RBBP9: variants seen among roughly 807,000 people sequenced by gnomAD.
RBBP9 encodes the protein RB binding protein 9, serine hydrolase.
Under a neutral mutation model 24.2 loss-of-function variants are expected in RBBP9, and 20 were observed. The ratio of observed to expected loss-of-function variants is 0.83; its 90% CI spans 0.58 to 1.20. The LOEUF (loss-of-function observed/expected upper bound fraction) is 1.20, where lower values mean the gene tolerates loss of function less well. RBBP9 is among the 50% of genes most tolerant of loss of function. RBBP9 has a pLI of 0.00. For synonymous variants in RBBP9, 74 were observed against 84.6 expected (o/e 0.87, Z 0.69); for missense variants, 234 against 233.6 (o/e 1.00, Z -0.01).
At chr20:18,495,810 G>T in intron 2 of RBBP9, 28 bp downstream of exon 2, 1 of 1,532,232 alleles carries the variant, frequency 6.5e-7, no homozygotes, top group Non-Finnish European at 9.0e-7. Context: ...ACAAGATGAG[G>T]CTATTTAAAA....
intron 2 of RBBP9, 120 bp downstream of exon 2, chr20:18,495,718 T>C: frequency 1.2e-6 from 1 of 862,340 alleles, no homozygotes; most frequent in Non-Finnish European, 1.8e-6. Flanking sequence ...TGCCTTATTC[T>C]TTCTTAGGTA....
chr20:18,490,404 G>A lies in RBBP9; in HGVS notation c.325C>T (p.Arg109Cys), dbSNP rs779680536. Residue 109 changes from arginine to cysteine, a missense_variant, in exon 4 of 5, where the codon CGT (arginine) becomes TGT (cysteine). By Grantham distance (180) the Arg-to-Cys change is radical (BLOSUM62 -3). Coordinates refer to ENST00000337227, the MANE Select transcript of RBBP9 (RefSeq NM_006606.3). ...CTACCTTTGGACTTACCACTTGCAC[G>A]CTCATTTTCATCCCCCAAGTCTGAT... ...YTSDLGDENE[R>C]ASGYFTRPWQ... 19 of 1,612,474 alleles carry A rather than the reference G, an allele frequency of 1.2e-5. No individual in the cohort carries two copies. Among genetic ancestry groups the A allele is most frequent in the South Asian group, 5.5e-5 (5 of 91,042 alleles).
chr20:18,497,196 G>C lies in RBBP9; in HGVS notation c.-29C>G, dbSNP rs989563875. ...TGCAGCGAGGCCAGAGTTCCCCAGCGCGGGTCCAGCGGAGCTGAGCCCAGC... is the reference window on the plus strand; with the variant it reads ...TGCAGCGAGGCCAGAGTTCCCCAGCCCGGGTCCAGCGGAGCTGAGCCCAGC... On this transcript the variant is annotated 5_prime_UTR_variant, in exon 1 of 5. Transcript: ENST00000337227. 7 of 1,569,984 alleles carry C rather than the reference G, an allele frequency of 4.5e-6. No homozygotes were observed. The highest frequency in any genetic ancestry group is 1.4e-5 in the African/African-American group (1 of 73,986).
intron 3 of RBBP9, among the ~76,000 whole-genome samples, chr20:18,492,880 A>C (rs1378298113): frequency 6.6e-6 from 1 of 152,230 alleles, no homozygotes; most frequent in Admixed American, 6.5e-5. Context: ...AACAGAATTC[A>C]ATAATACAAG....
rs909978006 is a variant in RBBP9 at position 18,488,057 on chromosome 20, T to A, written c.*1707A>T. 4.6e-5 allele frequency: 7 copies of A among 152,228 alleles called. No homozygotes were observed. The highest frequency in any genetic ancestry group is 1.0e-4 in the Non-Finnish European group (7 of 68,038). 9.4% of individuals were successfully genotyped at this position (152,228 alleles called of 1,614,324 possible). A position where few individuals can be genotyped will look rare whatever the true frequency, so the allele number is the denominator to read the frequency against. On this transcript the variant is annotated 3_prime_UTR_variant, in exon 5 of 5. Transcript: ENST00000337227. ...GGTACCTTTCCTGATTTTTTTTGTCTAAGCACATTTAAAAACCAAGACTTT... is the reference window on the plus strand; with the variant it reads ...GGTACCTTTCCTGATTTTTTTTGTCAAAGCACATTTAAAAACCAAGACTTT...
At chr20:18,491,583 G>A (rs2059865672) in intron 3 of RBBP9, among the ~76,000 whole-genome samples, 2 of 152,212 alleles carry the variant, frequency 1.3e-5, no homozygotes, top group East Asian at 1.9e-4. Context: ...AAGAGGATAG[G>A]AGCCAGTAGA....
rs1370327397 is a variant in RBBP9 at position 18,488,108 on chromosome 20, TCC to T, written c.*1654_*1655del. ...TGGTTTTGAGCGATAGCTCTGAATC[TCC>T]TTTAGGTATGAAGTGTAGGAAATTG... On this transcript the variant is annotated 3_prime_UTR_variant, in exon 5 of 5. Transcript: ENST00000337227. 1 of 152,184 alleles carries T rather than the reference TCC, an allele frequency of 6.6e-6. No homozygotes were observed. The highest frequency in any genetic ancestry group is 1.5e-5 in the Non-Finnish European group (1 of 68,034). The allele number at this position is 152,184 out of a possible 1,614,324, so 9.4% of individuals were successfully genotyped here. A position where few individuals can be genotyped will look rare whatever the true frequency, so the allele number is the denominator to read the frequency against.
chr20:18,490,688 T>C (rs531388267), intron 3 of RBBP9, among the ~76,000 whole-genome samples: 4 of 152,024 alleles, frequency 2.6e-5, no homozygotes, highest in Admixed American at 1.3e-4. Context: ...TTTTCTTTTT[T>C]TTTTTTTTTG....
chr20:18,492,495 A>G (rs534563027), intron 3 of RBBP9, among the ~76,000 whole-genome samples: 1 of 152,320 alleles, frequency 6.6e-6, no homozygotes, highest in African/African-American at 2.4e-5. Context: ...TCTGGCAAGG[A>G]TACTGCATAG....
Position 18,489,748 on chromosome 20 carries a change from G to T in RBBP9, c.*16C>A. ...TACTCCTATATTGGGATGCAAAATAGCAGAAATCATACAGTCTATGCTGGT... is the reference window on the plus strand; with the variant it reads ...TACTCCTATATTGGGATGCAAAATATCAGAAATCATACAGTCTATGCTGGT... On this transcript the variant is annotated 3_prime_UTR_variant, in exon 5 of 5. Coordinates refer to ENST00000337227, the MANE Select transcript of RBBP9 (RefSeq NM_006606.3). The T allele has an allele frequency of 6.5e-7, 1 of 1,532,244 alleles. No individual in the cohort carries two copies. Among genetic ancestry groups the T allele is most frequent in the Non-Finnish European group, 9.0e-7 (1 of 1,108,186 alleles). 94.9% of individuals were successfully genotyped at this position (1,532,244 alleles called of 1,614,324 possible).
At chr20:18,492,829 T>C (rs2059870840) in intron 3 of RBBP9, among the ~76,000 whole-genome samples, 1 of 152,260 alleles carries the variant, frequency 6.6e-6, no homozygotes, top group Non-Finnish European at 1.5e-5. Flanking sequence ...ACACCTTTAC[T>C]AATCAATGGC....
At chr20:18,490,540 CAATAAACT>C in intron 3 of RBBP9, 60 bp from the exon 4 acceptor site, 1 of 1,249,970 alleles carries the variant, frequency 8.0e-7, no homozygotes, top group South Asian at 1.2e-5. Flanking sequence ...ACCAAAAAGT[CAATAAACT>C]ACTTAAAAAC....
chr20:18,496,081 TAG>T (rs1295679173), intron 1 of RBBP9, among the ~76,000 whole-genome samples: 1 of 152,244 alleles, frequency 6.6e-6, no homozygotes, highest in Non-Finnish European at 1.5e-5. Context: ...CTGATCTCTA[TAG>T]AGAGACCTAT....
rs1432227625 is a variant in RBBP9 at position 18,495,451 on chromosome 20, G to A, written c.142+387C>T. On this transcript the variant is annotated intron_variant, in intron 2 of 4. Transcript: ENST00000337227. ...AAGTACCCAGGGACGCAAACACTGC[G>A]GAAGGCCGCAGGGTCCTCTGCCTAG... Among the ~76,000 whole-genome samples, 16 of 151,246 alleles carry A rather than the reference G, an allele frequency of 1.1e-4. No individual in the cohort carries two copies. In the South Asian group the frequency reaches 1.3e-3, roughly 12 times the overall value.
intron 2 of RBBP9, among the ~76,000 whole-genome samples, chr20:18,494,282 C>CTTTTTTTT (rs34967358): frequency 2.5e-5 from 3 of 122,120 alleles, no homozygotes; most frequent in Non-Finnish European, 3.5e-5. Context: ...TTTCTTTTCT[C>CTTTTTTTT]TTTTTTTTTT....
chr20:18,494,230 T>C (rs2059875747), intron 2 of RBBP9, among the ~76,000 whole-genome samples, 167 bp from the exon 3 acceptor site: 1 of 151,740 alleles, frequency 6.6e-6, no homozygotes, highest in Admixed American at 6.6e-5. Context: ...ATTTATGTAT[T>C]ACTACTTGAA....
chr20:18,493,922 C>G (rs17734238), intron 3 of RBBP9, 36 bp downstream of exon 3: 373,608 of 1,479,520 alleles, frequency 0.25, 49,411 homozygotes, highest in Non-Finnish European at 0.27. Flanking sequence ...ATGACTGGAG[C>G]CCACAAAGGG....
At chr20:18,493,617 T>G (rs1436947320) in intron 3 of RBBP9, among the ~76,000 whole-genome samples, 3 of 152,104 alleles carry the variant, frequency 2.0e-5, no homozygotes. Flanking sequence ...AAGATGTGCA[T>G]GTACTTGGCA....
At chr20:18,491,559 G>C (rs1257083889) in intron 3 of RBBP9, among the ~76,000 whole-genome samples, 2 of 152,146 alleles carry the variant, frequency 1.3e-5, no homozygotes, top group Non-Finnish European at 2.9e-5. Context: ...AAGTACTACA[G>C]ATAATAAGAT....
Sources: gnomAD v4.1 joint callset for allele counts (sites outside exome capture counted in the v4.1 genomes callset) on GRCh38, gnomAD v4.1.1 for gene constraint, MANE v1.5 for transcripts, NCBI Gene and HGNC (gene_info 2026-07-23, HGNC 2026-07-21) for gene names.